CFAP299: variants seen among roughly 807,000 people sequenced by gnomAD.
CFAP299 encodes cilia- and flagella-associated protein 299.
CFAP299 carries 21 observed loss-of-function variants against 27.0 expected under a neutral mutation model. That is an observed-to-expected ratio of 0.78 (90% CI 0.55 to 1.12). The LOEUF is 1.12. Ranked by LOEUF, CFAP299 falls within the 50% of genes most tolerant of loss-of-function variation. The probability of loss-of-function intolerance (pLI) is 0.00; values close to 1 mark genes in which losing one functional copy is unlikely to be tolerated. For missense variants in CFAP299, 310 were observed against 276.6 expected (o/e 1.12, Z -0.86); for synonymous variants, 104 against 98.1 (o/e 1.06, Z -0.36).
intron 3 of CFAP299, among the ~76,000 whole-genome samples, chr4:80,604,892 GA>G (rs56306966): frequency 2.1e-5 from 3 of 145,690 alleles, no homozygotes; most frequent in African/African-American, 2.5e-5. Context: ...TATAATACCA[GA>G]AAAAAAAAAA....
At chr4:80,899,586 A>G (rs1437201524) in intron 4 of CFAP299, among the ~76,000 whole-genome samples, 1 of 152,216 alleles carries the variant, frequency 6.6e-6, no homozygotes, top group Non-Finnish European at 1.5e-5. Flanking sequence ...GCAAGGACAG[A>G]CCAAGTGAAC....
chr4:80,387,725 C>CTG, intron 2 of CFAP299: 1 of 1,583,084 alleles, frequency 6.3e-7, no homozygotes, highest in East Asian at 2.2e-5. Flanking sequence ...GGCTTCTCAC[C>CTG]TGTGTGGCTT....
intron 4 of CFAP299, among the ~76,000 whole-genome samples, chr4:80,934,562 C>G (rs1578249898): frequency 6.6e-6 from 1 of 151,254 alleles, no homozygotes; most frequent in South Asian, 2.1e-4. Flanking sequence ...ATTGCTGAGT[C>G]AACTTTGTTA....
rs138955498 is a variant in CFAP299 at position 80,502,755 on chromosome 4, G to A, written c.243-80338G>A. Among the ~76,000 whole-genome samples the A allele has an allele frequency of 1.6e-3, 248 of 152,026 alleles. 4 individuals are homozygous for A. The highest frequency in any genetic ancestry group is 5.8e-3 in the African/African-American group (240 of 41,496). ...ACTGGTATTTCTCGTCCACTTCTTT[G>A]TCTTTCACTTGACAAGTTATTCTTG... On this transcript the variant is annotated intron_variant, in intron 2 of 5. Transcript: ENST00000358105.
At chr4:80,447,091 T>C (rs1022556211) in intron 2 of CFAP299, among the ~76,000 whole-genome samples, 1 of 151,654 alleles carries the variant, frequency 6.6e-6, no homozygotes, top group Non-Finnish European at 1.5e-5. Flanking sequence ...TGGTAGTGTT[T>C]CTTTGTTTTT....
chr4:80,351,877 TTTA>T (rs1315915958), intron 1 of CFAP299, among the ~76,000 whole-genome samples: 3 of 150,288 alleles, frequency 2.0e-5, no homozygotes, highest in Admixed American at 2.0e-4. Flanking sequence ...TAATTAATGA[TTTA>T]TTAATAATTA....
At chr4:80,710,724 T>A (rs982048211) in intron 3 of CFAP299, among the ~76,000 whole-genome samples, 1 of 152,034 alleles carries the variant, frequency 6.6e-6, no homozygotes. Context: ...CCTGACAGCA[T>A]TTGAGCTTGA....
intron 2 of CFAP299, among the ~76,000 whole-genome samples, chr4:80,464,403 A>G (rs937132308): frequency 2.6e-5 from 4 of 152,218 alleles, no homozygotes; most frequent in Admixed American, 6.5e-5. Flanking sequence ...TTCACTGGCC[A>G]TTCAAAACAT....
At chr4:80,501,735 A>T (rs1731758897) in intron 2 of CFAP299, among the ~76,000 whole-genome samples, 1 of 151,654 alleles carries the variant, frequency 6.6e-6, no homozygotes, top group Non-Finnish European at 1.5e-5. Context: ...CAAAGATGTC[A>T]CCATTTTTGA....
rs1481508102 is a variant in CFAP299 at position 80,917,287 on chromosome 4, A to T, written c.477-27523A>T. On this transcript the variant is annotated intron_variant, in intron 4 of 5. Coordinates refer to ENST00000358105, the MANE Select transcript of CFAP299 (RefSeq NM_152770.3). The stretch of plus-strand genomic sequence containing the variant: ...CAGATAACCGATCTGGGCAAGGAAC[A>T]TAAGTCTGAAAGAAAAGATACTGTC... Among the ~76,000 whole-genome samples, 3 of 152,156 alleles carry T rather than the reference A, an allele frequency of 2.0e-5. No homozygotes were observed. In the East Asian group the frequency reaches 5.8e-4, roughly 29 times the overall value.
At chr4:80,604,179 T>A (rs1290156994) in intron 3 of CFAP299, among the ~76,000 whole-genome samples, 4 of 152,106 alleles carry the variant, frequency 2.6e-5, no homozygotes, top group Non-Finnish European at 5.9e-5. Context: ...AGAAACACTG[T>A]CTTAAAAGAA....
intron 2 of CFAP299, among the ~76,000 whole-genome samples, chr4:80,399,923 A>C (rs1045905842): frequency 8.5e-5 from 13 of 152,148 alleles, no homozygotes; most frequent in African/African-American, 2.9e-4. Flanking sequence ...TCTAAACCAG[A>C]GGCGTTTTTT....
chr4:80,953,010 C>T (rs1472309429), intron 5 of CFAP299, among the ~76,000 whole-genome samples: 1 of 152,158 alleles, frequency 6.6e-6, no homozygotes, highest in Non-Finnish European at 1.5e-5. Context: ...GAACCTCGCC[C>T]TTCAGTGAAG....
intron 3 of CFAP299, among the ~76,000 whole-genome samples, chr4:80,607,630 C>T (rs1337837605): frequency 3.9e-5 from 6 of 152,198 alleles, no homozygotes; most frequent in Non-Finnish European, 5.9e-5. Context: ...TCAACATTTT[C>T]CTACTTCAGA....
chr4:80,949,409 T>C (rs1737646497), intron 5 of CFAP299, among the ~76,000 whole-genome samples: 1 of 151,802 alleles, frequency 6.6e-6, no homozygotes, highest in South Asian at 2.1e-4. Flanking sequence ...AAAGGAATGG[T>C]GAAGGGAGAG....
At chr4:80,898,731 C>T (rs1458558329) in intron 4 of CFAP299, among the ~76,000 whole-genome samples, 1 of 151,890 alleles carries the variant, frequency 6.6e-6, no homozygotes, top group Non-Finnish European at 1.5e-5. Flanking sequence ...GAAGGCATAC[C>T]ATAAAGGAAT....
At chr4:80,740,675 G>C (rs1724208482) in intron 3 of CFAP299, among the ~76,000 whole-genome samples, 1 of 152,168 alleles carries the variant, frequency 6.6e-6, no homozygotes, top group Non-Finnish European at 1.5e-5. Flanking sequence ...CCAGGAATTG[G>C]AGTTAAAAAT....
chr4:80,355,316 C>A (rs1723215324), intron 1 of CFAP299, among the ~76,000 whole-genome samples: 1 of 147,010 alleles, frequency 6.8e-6, no homozygotes. Context: ...TTGTTGGTCA[C>A]ATGTATGTCT....
intron 4 of CFAP299, chr4:80,871,468 TC>T: frequency 6.1e-6 from 6 of 985,420 alleles, no homozygotes; most frequent in Non-Finnish European, 7.2e-6. Context: ...GTTTCCAAAC[TC>T]AATTGAGTCC....
Sources: allele counts gnomAD v4.1 joint callset (sites outside exome capture counted in the v4.1 genomes callset), GRCh38; gene constraint gnomAD v4.1.1; transcripts MANE v1.5; gene names NCBI Gene and HGNC (gene_info 2026-07-23, HGNC 2026-07-21).